Variants in CSMD3 observed in about 807,000 individuals in gnomAD.
The protein encoded by CSMD3 is CUB and Sushi multiple domains 3.
CSMD3 carries 177 observed loss-of-function variants against 435.2 expected under a neutral mutation model. That is an observed-to-expected ratio of 0.41 (90% confidence interval 0.36 to 0.46). CSMD3 has a LOEUF of 0.46. Among genes scored for constraint, CSMD3 ranks in the 20% least tolerant of loss-of-function variants. The pLI, the probability that CSMD3 is intolerant of heterozygous loss-of-function variation, is 0.34. For synonymous variants in CSMD3, 1,656 were observed against 1,520.5 expected (o/e 1.09, Z -2.07); for missense variants, 4,265 against 4,504.6 (o/e 0.95, Z 1.52).
chr8:112,328,390 G>A, intron 45 of CSMD3, among the ~76,000 whole-genome samples: 1 of 152,158 alleles, frequency 6.6e-6, no homozygotes, highest in East Asian at 1.9e-4. Context: ...ATCTGCCAGT[G>A]AGTTGACATG....
rs575938302 is a variant in CSMD3, at chr8:113,069,313, G to C, written c.917+29443C>G. The stretch of plus-strand genomic sequence containing the variant: ...ACAGCAGAACATAGCAAATTTCTGG[G>C]TTCCACTGTCTGCAAGTTTGGAACA... On this transcript the variant is annotated intron_variant, in intron 5 of 70. Transcript: ENST00000297405. Among the ~76,000 whole-genome samples the C allele has an allele frequency of 3.9e-4, 59 of 152,124 alleles. 2 individuals are homozygous for C. In the South Asian group the frequency reaches 0.012, roughly 30 times the overall value.
chr8:113,088,869 A>G (rs2089902390), intron 5 of CSMD3, among the ~76,000 whole-genome samples: 1 of 152,048 alleles, frequency 6.6e-6, no homozygotes, highest in South Asian at 2.1e-4. Flanking sequence ...ATAATAAAAA[A>G]ATAAAATAAA....
intron 6 of CSMD3, among the ~76,000 whole-genome samples, chr8:112,992,999 C>T (rs1292124970): frequency 2.0e-5 from 3 of 151,758 alleles, no homozygotes; most frequent in Non-Finnish European, 4.4e-5. Flanking sequence ...AGCTTCTGCA[C>T]TGGAATGCAC....
At chr8:113,140,313 G>A (rs1291389432) in intron 4 of CSMD3, among the ~76,000 whole-genome samples, 2 of 150,290 alleles carry the variant, frequency 1.3e-5, no homozygotes, top group East Asian at 2.0e-4. Context: ...ATTATCGTTG[G>A]GAGTTTTAAC....
At chr8:112,352,606 G>A in intron 38 of CSMD3, 72 bp from the exon 39 acceptor site, 1 of 1,333,290 alleles carries the variant, frequency 7.5e-7, no homozygotes. Context: ...ATATTAAGTT[G>A]CTAAAATTGA....
chr8:112,682,361 G>A (rs1251917512), intron 16 of CSMD3, 81 bp downstream of exon 16: 1 of 970,444 alleles, frequency 1.0e-6, no homozygotes, highest in Non-Finnish European at 1.7e-6. Context: ...TGACAGTCCT[G>A]GTAGGATAAT....
intron 38 of CSMD3, among the ~76,000 whole-genome samples, chr8:112,379,625 A>G (rs1221413326): frequency 6.6e-6 from 1 of 152,220 alleles, no homozygotes; most frequent in Non-Finnish European, 1.5e-5. Flanking sequence ...ATTCAACTAG[A>G]TGCTTATCAA....
chr8:112,543,082 C>T (rs1336869900), intron 27 of CSMD3, among the ~76,000 whole-genome samples: 1 of 151,946 alleles, frequency 6.6e-6, no homozygotes, highest in African/African-American at 2.4e-5. Context: ...ATCTTACAGC[C>T]TACACAAAAA....
chr8:112,990,462 G>A lies in CSMD3; in HGVS notation c.1031-14314C>T, dbSNP rs543909788. The stretch of plus-strand genomic sequence containing the variant: ...AATGGGTTAAATGCTTGAGTTTTAC[G>A]GAAGTATTTAATAGAAGCACTAATC... On this transcript the variant is annotated intron_variant, in intron 6 of 70. Transcript: ENST00000297405. 1.3e-4 allele frequency among the ~76,000 whole-genome samples: 19 copies of A among 151,748 alleles called. No individual in the cohort carries two copies. The South Asian group carries it at 2.7e-3, about 22-fold the overall frequency.
In CSMD3 at chr8:112,255,374, T is replaced by C. The variant is rs1753652424; in HGVS notation, c.9916A>G (p.Ser3306Gly). 6.2e-7 allele frequency: 1 copy of C among 1,613,676 alleles called. No homozygotes were observed. Among genetic ancestry groups the C allele is most frequent in the Non-Finnish European group, 8.5e-7 (1 of 1,179,780 alleles). ...IPAQGKREGK[S>G]FIYQSEVSFS... ...GAAACCTCTGACTGGTATATAAAGC[T>C]TTTGCCTTCTCTTTTTCCTTGGGCA... The change falls in exon 62 of 71, where the codon AGC (serine) becomes GGC (glycine). Residue 3306 changes from serine to glycine, a missense_variant. Physicochemically the swap from Ser to Gly is moderately conservative, Grantham distance 56. Transcript: ENST00000297405.
intron 11 of CSMD3, among the ~76,000 whole-genome samples, chr8:112,838,919 T>TTATTA (rs2080103487): frequency 6.6e-6 from 1 of 151,814 alleles, no homozygotes; most frequent in Non-Finnish European, 1.5e-5. Flanking sequence ...ATGCTTAAAC[T>TTATTA]ATGACACATC....
At position 112,265,418 on chromosome 8, in the gene CSMD3, A is replaced by C; in HGVS notation, c.9681T>G (p.Thr3227=). 2 of 1,610,166 alleles carry C rather than the reference A, an allele frequency of 1.2e-6. No individual in the cohort carries two copies. The highest frequency in any genetic ancestry group is 1.7e-6 in the Non-Finnish European group (2 of 1,176,468). ...INGTWSGVMP[T]CRAVTCPTPP... ...AAGAAATCATTATCATACCTCTACA[A>C]GTTGGCATTACTCCACTCCATGTGC... The change falls in exon 60 of 71, where the codon ACT becomes ACG. Residue 3227 remains threonine, a synonymous_variant. Coordinates refer to ENST00000297405, the MANE Select transcript of CSMD3 (RefSeq NM_198123.2).
chr8:113,136,290 G>C (rs1486607804), intron 4 of CSMD3, among the ~76,000 whole-genome samples: 2 of 151,484 alleles, frequency 1.3e-5, no homozygotes, highest in Admixed American at 6.6e-5. Flanking sequence ...TGTGCCTATT[G>C]AGCATTTGAA....
chr8:112,929,377 TA>T (rs201553763), intron 9 of CSMD3, among the ~76,000 whole-genome samples: 41,885 of 123,900 alleles, frequency 0.34, 5,919 homozygotes, highest in East Asian at 0.53. Context: ...TAAAGCATAA[TA>T]AAAAAAAAAT....
At chr8:112,256,299 T>A (rs1277311901) in intron 61 of CSMD3, among the ~76,000 whole-genome samples, 1 of 142,900 alleles carries the variant, frequency 7.0e-6, no homozygotes, top group African/African-American at 2.5e-5. Flanking sequence ...GTAAGTCCCG[T>A]GGGAAAAAAA....
At chr8:112,834,952 G>A (rs2079978875) in intron 11 of CSMD3, among the ~76,000 whole-genome samples, 1 of 151,696 alleles carries the variant, frequency 6.6e-6, no homozygotes, top group Non-Finnish European at 1.5e-5. Flanking sequence ...TACCCTTAAA[G>A]TATTTAAATA....
At chr8:112,699,647 C>T (rs67608011) in intron 13 of CSMD3, among the ~76,000 whole-genome samples, 50,746 of 152,080 alleles carry the variant, frequency 0.33, 9,361 homozygotes, top group African/African-American at 0.5. Context: ...GACTAATGAT[C>T]GCATAGGACG....
chr8:112,308,339 T>C (rs1258683248), intron 50 of CSMD3, among the ~76,000 whole-genome samples: 1 of 152,076 alleles, frequency 6.6e-6, no homozygotes, highest in Non-Finnish European at 1.5e-5. Flanking sequence ...ATAGATTGAA[T>C]CTAGGTCAAA....
chr8:112,667,377 C>T lies in CSMD3; in HGVS notation c.2678-962G>A, dbSNP rs559006002. The stretch of plus-strand genomic sequence containing the variant: ...ACGTATATTATTTTTACCATTTACT[C>T]CCATATCCAACCCATCCTCAAGCTC... On this transcript the variant is annotated intron_variant, in intron 16 of 70. Coordinates refer to ENST00000297405, the MANE Select transcript of CSMD3 (RefSeq NM_198123.2). Among the ~76,000 whole-genome samples the T allele has an allele frequency of 1.4e-4, 21 of 152,214 alleles. No individual in the cohort carries two copies. The South Asian group carries it at 4.4e-3, about 32-fold the overall frequency.
Sources: allele counts gnomAD v4.1 joint callset (sites outside exome capture counted in the v4.1 genomes callset), GRCh38; gene constraint gnomAD v4.1.1; transcripts MANE v1.5; gene names NCBI Gene and HGNC (gene_info 2026-07-23, HGNC 2026-07-21).